The following MARK1 variants were observed in gnomAD, a reference collection of about 807,000 sequenced individuals.
MARK1 encodes the protein serine/threonine-protein kinase MARK1.
MARK1 carries 40 observed loss-of-function variants against 96.3 expected under a neutral mutation model. The ratio of observed to expected loss-of-function variants is 0.42; its 90% CI spans 0.32 to 0.54. The LOEUF (loss-of-function observed/expected upper bound fraction) is 0.54. MARK1 is among the 20% of genes least tolerant of loss of function. MARK1 has a pLI of 0.16. For missense variants in MARK1, 719 were observed against 984.6 expected (o/e 0.73, Z 3.61); for synonymous variants, 317 against 341.2 (o/e 0.93, Z 0.78).
intron 9 of MARK1, among the ~76,000 whole-genome samples, chr1:220,629,006 A>G (rs919907617): frequency 6.6e-6 from 1 of 151,890 alleles, no homozygotes; most frequent in Non-Finnish European, 1.5e-5. Context: ...CAGTTGTTAG[A>G]GATCTTCCCT....
In MARK1 at chr1:220,653,152, T is replaced by C. The variant is rs1668976267; in HGVS notation, c.1788T>C (p.Thr596=). The change falls in exon 16 of 18, where the codon ACT becomes ACC. Residue 596 remains threonine, a synonymous_variant. Transcript: ENST00000366917. Reference sequence around the variant, plus strand: ...CCCCATCTGCTCACAGTATTAGTACTGCGACTCCAGACCGGACCCGTTTTC... The same window carrying C: ...CCCCATCTGCTCACAGTATTAGTACCGCGACTCCAGACCGGACCCGTTTTC... ...AASPSAHSIS[T]ATPDRTRFPR... 1.2e-6 allele frequency: 2 copies of C among 1,614,100 alleles called. No individual in the cohort carries two copies. Among genetic ancestry groups the C allele is most frequent in the African/African-American group, 1.3e-5 (1 of 74,952 alleles).
rs757612250 is a variant in MARK1 at position 220,618,722 on chromosome 1, A to G, written c.876A>G (p.Leu292=). Residue 292 remains leucine, a synonymous_variant, in exon 9 of 18, where the codon TTA becomes TTG. Coordinates refer to ENST00000366917, the MANE Select transcript of MARK1 (RefSeq NM_018650.5). The surrounding 1 kb of genome is among the most constrained non-coding windows in gnomAD (Gnocchi z 4.6). Reference sequence around the variant, plus strand: ...GTGAAAATCTTCTGAAGAAATTATTAGTCCTGAATCCAATAAAGAGAGGCA... The same window carrying G: ...GTGAAAATCTTCTGAAGAAATTATTGGTCCTGAATCCAATAAAGAGAGGCA... ...TDCENLLKKL[L]VLNPIKRGSL... 1 of 1,609,608 alleles carries G rather than the reference A, an allele frequency of 6.2e-7. No homozygotes were observed. The highest frequency in any genetic ancestry group is 1.1e-5 in the South Asian group (1 of 89,684).
chr1:220,563,268 A>G (rs1662797523), intron 1 of MARK1, among the ~76,000 whole-genome samples: 1 of 152,170 alleles, frequency 6.6e-6, no homozygotes, highest in Non-Finnish European at 1.5e-5. Context: ...AAATTTATAA[A>G]TAATTTTCCT....
At chr1:220,582,624 T>C (rs568208089) in intron 3 of MARK1, among the ~76,000 whole-genome samples, 1 of 152,326 alleles carries the variant, frequency 6.6e-6, no homozygotes, top group Admixed American at 6.5e-5. Context: ...AGGCCTGTTG[T>C]GCTAGCTGGA....
chr1:220,615,814 C>A, intron 6 of MARK1, 125 bp from the exon 7 acceptor site: 3 of 576,236 alleles, frequency 5.2e-6, no homozygotes, highest in Non-Finnish European at 9.2e-6. Context: ...GAACTAAAAG[C>A]ATTGCATATT....
At chr1:220,635,697 T>C (rs187325537) in intron 12 of MARK1, 136 bp from the exon 13 acceptor site, 17 of 1,145,864 alleles carry the variant, frequency 1.5e-5, no homozygotes. Context: ...ACCTGATTTT[T>C]GAAATCAAAA....
chr1:220,653,061 G>T (rs922888204), intron 15 of MARK1, 40 bp from the exon 16 acceptor site: 2 of 1,602,778 alleles, frequency 1.2e-6, no homozygotes, highest in African/African-American at 2.7e-5. Flanking sequence ...AGGTTTTCTT[G>T]TCATTATTCT....
chr1:220,660,074 C>T (rs1669392775), intron 17 of MARK1, among the ~76,000 whole-genome samples: 1 of 152,216 alleles, frequency 6.6e-6, no homozygotes, highest in Admixed American at 6.5e-5. Context: ...GTGTGAGCCA[C>T]AGAAAACTAA....
At chr1:220,594,600 G>A (rs1665206393) in intron 3 of MARK1, among the ~76,000 whole-genome samples, 1 of 152,110 alleles carries the variant, frequency 6.6e-6, no homozygotes, top group Admixed American at 6.5e-5. Flanking sequence ...TAGTCATAAT[G>A]GTCATAACTT....
At chr1:220,604,794 A>G (rs111818706) in intron 6 of MARK1, among the ~76,000 whole-genome samples, 80 of 152,212 alleles carry the variant, frequency 5.3e-4, no homozygotes, top group African/African-American at 1.9e-3. Context: ...AAGTTACCAT[A>G]TAAATAGCAA....
intron 6 of MARK1, among the ~76,000 whole-genome samples, chr1:220,610,282 G>C (rs186788520): frequency 6.6e-6 from 1 of 151,888 alleles, no homozygotes; most frequent in Non-Finnish European, 1.5e-5. Context: ...TTATCTTCTC[G>C]CTTTATTTCA....
At chr1:220,607,753 A>G (rs1666172980) in intron 6 of MARK1, among the ~76,000 whole-genome samples, 1 of 152,064 alleles carries the variant, frequency 6.6e-6, no homozygotes, top group Admixed American at 6.6e-5. Flanking sequence ...GTTTATCGAG[A>G]GTTTTTAGCA....
chr1:220,560,943 G>A (rs1662627652), intron 1 of MARK1, among the ~76,000 whole-genome samples: 1 of 152,154 alleles, frequency 6.6e-6, no homozygotes, highest in African/African-American at 2.4e-5. Flanking sequence ...TTGTATATGT[G>A]TGTAACAATG....
rs562453782 is a variant in MARK1 at position 220,663,664 on chromosome 1, C to A, written c.*1498C>A. 6 of 152,576 alleles carry A rather than the reference C, an allele frequency of 3.9e-5. No homozygotes were observed. Among genetic ancestry groups the A allele is most frequent in the African/African-American group, 1.4e-4 (6 of 41,506 alleles). 9.5% of individuals were successfully genotyped at this position (152,576 alleles called of 1,614,324 possible). ...TCTAAGTGTAGGTGATGTGCCATTCCATAATGGCTTCCAGACTAGGGTGAA... is the reference window on the plus strand; with the variant it reads ...TCTAAGTGTAGGTGATGTGCCATTCAATAATGGCTTCCAGACTAGGGTGAA... On this transcript the variant is annotated 3_prime_UTR_variant, in exon 18 of 18. Transcript: ENST00000366917.
At chr1:220,642,799 C>A (rs1423109033) in intron 13 of MARK1, among the ~76,000 whole-genome samples, 3 of 152,156 alleles carry the variant, frequency 2.0e-5, no homozygotes, top group Non-Finnish European at 4.4e-5. Context: ...GTTCTGCAGC[C>A]TCCACTGGTG....
chr1:220,540,403 T>G (rs1327779239), intron 1 of MARK1, among the ~76,000 whole-genome samples: 1 of 152,240 alleles, frequency 6.6e-6, no homozygotes, highest in Non-Finnish European at 1.5e-5. Flanking sequence ...ATGGATTGAA[T>G]GATGCTTGCC....
intron 13 of MARK1, among the ~76,000 whole-genome samples, chr1:220,645,635 C>T (rs746846441): frequency 2.0e-5 from 3 of 152,180 alleles, no homozygotes; most frequent in Non-Finnish European, 4.4e-5. Context: ...CCCTGATGAA[C>T]ATCGATGCAA....
chr1:220,549,587 G>GT (rs1417197755), intron 1 of MARK1, among the ~76,000 whole-genome samples: 1 of 152,204 alleles, frequency 6.6e-6, no homozygotes, highest in Non-Finnish European at 1.5e-5. Flanking sequence ...TGTAGTAAGT[G>GT]TAAGAGGGCC....
At chr1:220,566,311 G>A (rs959058112) in intron 1 of MARK1, among the ~76,000 whole-genome samples, 2 of 152,100 alleles carry the variant, frequency 1.3e-5, no homozygotes, top group Admixed American at 1.3e-4. Flanking sequence ...CCAGATGAAA[G>A]AACCACCATT....
Sources: allele counts gnomAD v4.1 joint callset (sites outside exome capture counted in the v4.1 genomes callset), GRCh38; gene constraint gnomAD v4.1.1; non-coding constraint Gnocchi (gnomAD v3.1); transcripts MANE v1.5; gene names NCBI Gene and HGNC (gene_info 2026-07-23, HGNC 2026-07-21).